NDRG1: variants seen among roughly 807,000 people sequenced by gnomAD.
NDRG1 encodes N-myc downstream regulated 1, also known as protein NDRG1.
In NDRG1, 32 loss-of-function variants were observed where a neutral mutation model predicts 56.9. The ratio of observed to expected loss-of-function variants is 0.56; its 90% confidence interval spans 0.42 to 0.76. The LOEUF (loss-of-function observed/expected upper bound fraction) is 0.76, where lower values mean the gene tolerates loss of function less well. NDRG1 is among the 30% of genes least tolerant of loss of function. NDRG1 has a pLI of 0.00. For missense variants in NDRG1, 507 were observed against 545.7 expected (o/e 0.93, Z 0.71); for synonymous variants, 211 against 204.1 (o/e 1.03, Z -0.29).
At chr8:133,240,133 C>T (rs1855300259) in intron 15 of NDRG1, 2 of 152,220 alleles carry the variant, frequency 1.3e-5, no homozygotes, top group Non-Finnish European at 2.9e-5. Flanking sequence ...CTGCCCACAC[C>T]TTGATTTTGG....
intron 2 of NDRG1, among the ~76,000 whole-genome samples, chr8:133,281,252 G>A (rs759154907): frequency 6.6e-6 from 1 of 151,926 alleles, no homozygotes; most frequent in Admixed American, 6.6e-5. Flanking sequence ...AGCTACTCGG[G>A]AGGCTAAGGC....
At chr8:133,261,155 G>A (rs1586444387) in intron 5 of NDRG1, among the ~76,000 whole-genome samples, 1 of 152,026 alleles carries the variant, frequency 6.6e-6, no homozygotes, top group South Asian at 2.1e-4. Flanking sequence ...ACCCAGGCTG[G>A]AGTGCAGTGG....
intron 3 of NDRG1, among the ~76,000 whole-genome samples, chr8:133,279,899 C>T (rs977675691): frequency 6.6e-6 from 1 of 152,188 alleles, no homozygotes; most frequent in African/African-American, 2.4e-5. Flanking sequence ...CTTTTGCTTC[C>T]GTTCCCTCCC....
intron 2 of NDRG1, 61 bp from the exon 3 acceptor site, chr8:133,280,328 T>C: frequency 1.3e-6 from 2 of 1,523,998 alleles, no homozygotes; most frequent in Non-Finnish European, 1.8e-6. Flanking sequence ...GAAATAATAT[T>C]GGGACATATG....
chr8:133,286,128 T>G (rs1189613436), intron 1 of NDRG1, among the ~76,000 whole-genome samples: 3 of 152,200 alleles, frequency 2.0e-5, no homozygotes, highest in Non-Finnish European at 4.4e-5. Context: ...GCAGGTAGCT[T>G]GTTCTTTTCT....
intron 10 of NDRG1, among the ~76,000 whole-genome samples, chr8:133,249,869 G>A (rs756494607): frequency 4.6e-5 from 7 of 152,324 alleles, no homozygotes; most frequent in Admixed American, 1.3e-4. Context: ...GTGGCAGAGC[G>A]AGCTCAGCAG....
intron 3 of NDRG1, among the ~76,000 whole-genome samples, chr8:133,278,370 C>T (rs895479237): frequency 6.6e-5 from 10 of 152,174 alleles, no homozygotes; most frequent in Non-Finnish European, 1.5e-4. Context: ...CCCCCTTTCT[C>T]TGTCCCTCAG....
chr8:133,239,785 C>A, intron 15 of NDRG1: 1 of 154,706 alleles, frequency 6.5e-6, no homozygotes, highest in Non-Finnish European at 1.4e-5. Flanking sequence ...CAATCCTGCC[C>A]ACCTGTACCG....
At chr8:133,277,200 G>A (rs1444223149) in intron 3 of NDRG1, among the ~76,000 whole-genome samples, 5 of 152,216 alleles carry the variant, frequency 3.3e-5, no homozygotes, top group Non-Finnish European at 7.3e-5. Flanking sequence ...CACAGAGACA[G>A]AAAATAGAAG....
At position 133,262,594 on chromosome 8, in the gene NDRG1, A is replaced by G. The variant is rs1290177651; in HGVS notation, c.206-427T>C. On this transcript the variant is annotated intron_variant, in intron 4 of 15. Transcript: ENST00000323851. ...ACATAATTTTCAAACGAGGAGGAGC[A>G]TGGGAGGTGAGGCGTGCCTCCTCCT... Among the ~76,000 whole-genome samples, 6 of 152,202 alleles carry G rather than the reference A, an allele frequency of 3.9e-5. No homozygotes were observed. The South Asian group carries it at 8.3e-4, about 21-fold the overall frequency.
intron 3 of NDRG1, among the ~76,000 whole-genome samples, chr8:133,267,116 C>T (rs923080919): frequency 3.9e-5 from 6 of 152,142 alleles, no homozygotes; most frequent in South Asian, 2.1e-4. Context: ...AGGCCACCAT[C>T]GTGCTTCTGC....
intron 4 of NDRG1, among the ~76,000 whole-genome samples, chr8:133,262,873 A>G (rs997681878): frequency 6.6e-6 from 1 of 152,202 alleles, no homozygotes; most frequent in African/African-American, 2.4e-5. Flanking sequence ...TGCCAGAAGC[A>G]CAGTTTCCAG....
intron 13 of NDRG1, 82 bp downstream of exon 13, chr8:133,246,534 T>G: frequency 6.9e-7 from 1 of 1,440,410 alleles, no homozygotes; most frequent in Non-Finnish European, 9.8e-7. Context: ...CTTGCCTTTT[T>G]CAAGCCTAAC....
chr8:133,239,403 T>C, intron 15 of NDRG1: 1 of 589,358 alleles, frequency 1.7e-6, no homozygotes, highest in Non-Finnish European at 3.0e-6. Context: ...CTGTGTAATT[T>C]TGAGAGTGTC....
intron 2 of NDRG1, among the ~76,000 whole-genome samples, chr8:133,281,605 C>T (rs138497923): frequency 3.5e-4 from 53 of 152,242 alleles, no homozygotes; most frequent in Non-Finnish European, 5.3e-4. Context: ...GCCTCACCCA[C>T]CACAAACCCC....
In NDRG1 at chr8:133,237,743, C is replaced by T. The variant is rs10675; in HGVS notation, c.*1135G>A. On this transcript the variant is annotated 3_prime_UTR_variant, in exon 16 of 16. Transcript: ENST00000323851. Reference sequence around the variant, plus strand: ...AGTTCTGAGGATCCAAGAACGTGACCGGGTCAGACAGGTTCAGCTACTGAG... The same window carrying T: ...AGTTCTGAGGATCCAAGAACGTGACTGGGTCAGACAGGTTCAGCTACTGAG... The T allele has an allele frequency of 0.013, 2,939 of 230,472 alleles. 83 individuals are homozygous for T. Among genetic ancestry groups the T allele is most frequent in the African/African-American group, 0.06 (2,690 of 44,756 alleles). The allele number at this position is 230,472 out of a possible 1,614,324, so 14.3% of individuals were successfully genotyped here.
Position 133,249,327 on chromosome 8 carries a change from A to T in NDRG1, c.699-556T>A, listed in dbSNP as rs550429549. On this transcript the variant is annotated intron_variant, in intron 10 of 15. Coordinates refer to ENST00000323851, the MANE Select transcript of NDRG1 (RefSeq NM_006096.4). ...CCACCTTTCCTGCACGCAGCCACCC[A>T]CCCTCTCTGCTATCTTGCAGCTCCC... The T allele has an allele frequency of 7.9e-5, 13 of 165,464 alleles. No homozygotes were observed. The South Asian group carries it at 2.0e-3, about 25-fold the overall frequency. 10.2% of individuals were successfully genotyped at this position (165,464 alleles called of 1,614,324 possible).
chr8:133,264,456 C>T lies in NDRG1; in HGVS notation c.205+91G>A, dbSNP rs1304228076. On this transcript the variant is annotated intron_variant, in intron 4 of 15. Coordinates refer to ENST00000323851, the MANE Select transcript of NDRG1 (RefSeq NM_006096.4). ...GAAGTCCCAGGCAAAAAGAAACCAC[C>T]AGCTCCCGGCCATCAGCCCTTCTCG... The T allele has an allele frequency of 1.9e-5, 22 of 1,173,592 alleles. No individual in the cohort carries two copies. In the Admixed American group the frequency reaches 3.6e-4, roughly 19 times the overall value. 72.7% of individuals were successfully genotyped at this position (1,173,592 alleles called of 1,614,324 possible).
intron 1 of NDRG1, among the ~76,000 whole-genome samples, chr8:133,286,925 C>T (rs1858150293): frequency 6.6e-6 from 1 of 152,188 alleles, no homozygotes. Flanking sequence ...ATACTAAGGC[C>T]GCATGAACCA....
Sources: gnomAD v4.1 joint callset for allele counts (sites outside exome capture counted in the v4.1 genomes callset) on GRCh38, gnomAD v4.1.1 for gene constraint, MANE v1.5 for transcripts, NCBI Gene and HGNC (gene_info 2026-07-23, HGNC 2026-07-21) for gene names.